Variants in ME3 observed in about 807,000 individuals in gnomAD.
The protein encoded by ME3 is malic enzyme 3, also known as NADP-dependent malic enzyme, mitochondrial.
ME3 carries 48 observed loss-of-function variants against 68.9 expected under a neutral mutation model. The observed-to-expected ratio is 0.70, with a 90% CI of 0.55 to 0.89. ME3 has a LOEUF of 0.89. Ranked by LOEUF, ME3 falls within the 40% of genes least tolerant of loss-of-function variation. The probability of loss-of-function intolerance (pLI) is 0.00; values close to 1 mark genes in which losing one functional copy is unlikely to be tolerated. For missense variants in ME3, 675 were observed against 797.4 expected, an observed-to-expected ratio of 0.85 and a Z score of 1.85; for synonymous variants, 320 against 318.8, an observed-to-expected ratio of 1.00 and a Z score of -0.04.
chr11:86,597,799 A>C (rs10792863), intron 2 of ME3, among the ~76,000 whole-genome samples: 3 of 151,896 alleles, frequency 2.0e-5, no homozygotes, highest in African/African-American at 7.3e-5. Context: ...GCTTGGTTTT[A>C]TACATTCTAG....
intron 6 of ME3, among the ~76,000 whole-genome samples, chr11:86,488,403 T>C (rs1951816274): frequency 6.6e-6 from 1 of 151,902 alleles, no homozygotes; most frequent in Admixed American, 6.6e-5. Flanking sequence ...CTTACTTCTC[T>C]CCCTCCCTCC....
chr11:86,446,244 T>G (rs1019326746), intron 13 of ME3, 70 bp downstream of exon 13: 1 of 1,540,264 alleles, frequency 6.5e-7, no homozygotes, highest in East Asian at 2.3e-5. Flanking sequence ...ATAAGAGAGA[T>G]CTGGTATAGG....
chr11:86,477,725 CTGAGG>C (rs139662457), intron 7 of ME3, among the ~76,000 whole-genome samples: 8,260 of 152,166 alleles, frequency 0.054, 296 homozygotes, highest in Non-Finnish European at 0.084. Flanking sequence ...GGCCTCAGTC[CTGAGG>C]CTGGACCTTA....
At chr11:86,603,508 T>C (rs1961078342) in intron 2 of ME3, among the ~76,000 whole-genome samples, 1 of 152,190 alleles carries the variant, frequency 6.6e-6, no homozygotes, top group Non-Finnish European at 1.5e-5. Flanking sequence ...GACTGTAAAC[T>C]AGTTCAACCC....
chr11:86,601,119 A>T (rs1301609647), intron 2 of ME3, among the ~76,000 whole-genome samples: 1 of 151,732 alleles, frequency 6.6e-6, no homozygotes. Context: ...GAACTGAAGG[A>T]AATAGAGACA....
At chr11:86,601,804 C>G (rs1960716384) in intron 2 of ME3, among the ~76,000 whole-genome samples, 1 of 151,882 alleles carries the variant, frequency 6.6e-6, no homozygotes, top group African/African-American at 2.4e-5. Flanking sequence ...TCAATATACA[C>G]CAATAAATAA....
intron 2 of ME3, among the ~76,000 whole-genome samples, chr11:86,618,903 G>C (rs934551512): frequency 1.3e-5 from 2 of 152,020 alleles, no homozygotes; most frequent in Admixed American, 6.6e-5. Context: ...GTAGACGGGG[G>C]TTTCACCACT....
chr11:86,600,732 C>T (rs959838573), intron 2 of ME3, among the ~76,000 whole-genome samples: 10 of 151,820 alleles, frequency 6.6e-5, no homozygotes, highest in Non-Finnish European at 1.2e-4. Context: ...TGTAAAAGAT[C>T]AGAAATTATA....
At chr11:86,496,231 C>G (rs1952322300) in intron 6 of ME3, among the ~76,000 whole-genome samples, 1 of 152,038 alleles carries the variant, frequency 6.6e-6, no homozygotes, top group African/African-American at 2.4e-5. Context: ...CATGGTGAAA[C>G]CCCATCTCGA....
At chr11:86,544,397 T>C (rs1005665729) in intron 4 of ME3, among the ~76,000 whole-genome samples, 6 of 151,898 alleles carry the variant, frequency 4.0e-5, no homozygotes, top group African/African-American at 1.5e-4. Flanking sequence ...ACAAAACAGA[T>C]ACACTGCTAG....
chr11:86,518,185 C>T (rs1226065478), intron 4 of ME3, among the ~76,000 whole-genome samples: 2 of 152,032 alleles, frequency 1.3e-5, no homozygotes, highest in African/African-American at 2.4e-5. Context: ...TATGCCATCT[C>T]GTTAATTGAT....
intron 2 of ME3, among the ~76,000 whole-genome samples, chr11:86,592,904 T>C (rs974106883): frequency 6.6e-6 from 1 of 152,148 alleles, no homozygotes; most frequent in African/African-American, 2.4e-5. Context: ...CAAACACACC[T>C]GCATTTGAGT....
chr11:86,530,928 A>C (rs1955176752), intron 4 of ME3, among the ~76,000 whole-genome samples: 1 of 152,162 alleles, frequency 6.6e-6, no homozygotes, highest in Non-Finnish European at 1.5e-5. Context: ...CATTCAGGAC[A>C]TAGGCATGTG....
chr11:86,601,240 A>G (rs1960600450), intron 2 of ME3, among the ~76,000 whole-genome samples: 1 of 152,158 alleles, frequency 6.6e-6, no homozygotes, highest in Non-Finnish European at 1.5e-5. Flanking sequence ...AGAAGAATCA[A>G]ATAGATGCAA....
chr11:86,580,357 TGTATCTTCTGGTAA>T (rs6144422), intron 2 of ME3, among the ~76,000 whole-genome samples: 72,519 of 151,518 alleles, frequency 0.48, 18,792 homozygotes, highest in East Asian at 0.71. Context: ...TTCTAAAACC[TGTATCTTCTGGTAA>T]GTAAAGTTAA....
exon 2 of ME3, chr11:86,671,892 G>A: frequency 6.7e-7 from 1 of 1,484,592 alleles, no homozygotes; most frequent in South Asian, 1.4e-5. Context: ...GGCGCCGCAG[G>A]CCCGGCCCGG....
At chr11:86,534,366 G>A (rs1158919937) in intron 4 of ME3, among the ~76,000 whole-genome samples, 2 of 151,526 alleles carry the variant, frequency 1.3e-5, no homozygotes, top group Non-Finnish European at 2.9e-5. Flanking sequence ...TTTTCTCTTT[G>A]ACTCTTTTTA....
At chr11:86,526,475 C>G (rs1954755566) in intron 4 of ME3, among the ~76,000 whole-genome samples, 1 of 152,236 alleles carries the variant, frequency 6.6e-6, no homozygotes. Flanking sequence ...CAGCAGAAAC[C>G]TCTGCAGACT....
chr11:86,483,995 C>G lies in ME3; in HGVS notation c.809+3342G>C, dbSNP rs1951556708. Among the ~76,000 whole-genome samples the G allele has an allele frequency of 2.0e-5, 3 of 152,170 alleles. No individual in the cohort carries two copies. The South Asian group carries it at 6.2e-4, about 32-fold the overall frequency. On this transcript the variant is annotated intron_variant, in intron 7 of 14. Transcript: ENST00000543262. ...GAGCGGGAAGAGTGGGGCAATCAGT[C>G]CTTGCCATCAGTCTTTGTCTCAGCT...
Sources: allele counts gnomAD v4.1 joint callset (sites outside exome capture counted in the v4.1 genomes callset), GRCh38; gene constraint gnomAD v4.1.1; transcripts MANE v1.5; gene names NCBI Gene and HGNC (gene_info 2026-07-23, HGNC 2026-07-21).